Variants in TMEM132D observed in about 807,000 individuals in gnomAD.
TMEM132D encodes the protein mature OL transmembrane protein.
In TMEM132D, 21 loss-of-function variants were observed where a neutral mutation model predicts 62.3. The ratio of observed to expected loss-of-function variants is 0.34; its 90% confidence interval spans 0.24 to 0.49. TMEM132D has a LOEUF of 0.49. Ranked by LOEUF, TMEM132D falls within the 20% of genes least tolerant of loss-of-function variation. The pLI, the probability that TMEM132D is intolerant of heterozygous loss-of-function variation, is 0.99. For missense variants in TMEM132D, 1,346 were observed against 1,402.8 expected, an observed-to-expected ratio of 0.96 and a Z score of 0.65; for synonymous variants, 621 against 575.6, an observed-to-expected ratio of 1.08 and a Z score of -1.13.
intron 2 of TMEM132D, among the ~76,000 whole-genome samples, chr12:129,561,505 G>A (rs1877231324): frequency 6.6e-6 from 1 of 152,076 alleles, no homozygotes; most frequent in Non-Finnish European, 1.5e-5. Context: ...AAAATCCACA[G>A]CAGACAAGAA....
At chr12:129,895,956 TG>T (rs1875101863) in intron 1 of TMEM132D, among the ~76,000 whole-genome samples, 1 of 38,396 alleles carries the variant, frequency 2.6e-5, no homozygotes, top group African/African-American at 4.6e-5. Flanking sequence ...TTGATTTCTC[TG>T]TCTCTCTTTT....
intron 1 of TMEM132D, among the ~76,000 whole-genome samples, chr12:129,756,579 C>T (rs1870177107): frequency 6.6e-6 from 1 of 152,094 alleles, no homozygotes; most frequent in Admixed American, 6.5e-5. Context: ...TCGGAGGATG[C>T]AAGAGTTCTG....
At chr12:129,490,090 C>A (rs750087332) in intron 3 of TMEM132D, among the ~76,000 whole-genome samples, 6 of 152,198 alleles carry the variant, frequency 3.9e-5, no homozygotes, top group African/African-American at 7.2e-5. Context: ...TGCATGTCAT[C>A]ACAGCTAATG....
At chr12:129,688,601 T>A (rs1880986350) in intron 2 of TMEM132D, among the ~76,000 whole-genome samples, 1 of 152,044 alleles carries the variant, frequency 6.6e-6, no homozygotes. Context: ...GAACCTAGTC[T>A]CTGACCCAAT....
At chr12:129,657,225 G>A (rs887042362) in intron 2 of TMEM132D, among the ~76,000 whole-genome samples, 24 of 152,204 alleles carry the variant, frequency 1.6e-4, no homozygotes, top group Non-Finnish European at 2.2e-4. Context: ...CATCTGTACA[G>A]GAAATGATGT....
At chr12:129,650,482 A>T (rs1468058981) in intron 2 of TMEM132D, among the ~76,000 whole-genome samples, 1 of 152,214 alleles carries the variant, frequency 6.6e-6, no homozygotes, top group East Asian at 1.9e-4. Context: ...TAGAAGAAAC[A>T]TCACTGGGTT....
At chr12:129,645,084 T>C (rs1879739826) in intron 2 of TMEM132D, among the ~76,000 whole-genome samples, 5 of 151,704 alleles carry the variant, frequency 3.3e-5, no homozygotes, top group African/African-American at 1.2e-4. Context: ...CTGTCTTCTG[T>C]GGGAAAGTTT....
chr12:129,198,393 C>T (rs956002323), intron 5 of TMEM132D, among the ~76,000 whole-genome samples: 1 of 151,986 alleles, frequency 6.6e-6, no homozygotes, highest in Non-Finnish European at 1.5e-5. Context: ...CTTACAATAG[C>T]GGAGTTATGG....
At chr12:129,671,485 T>G (rs1315526306) in intron 2 of TMEM132D, among the ~76,000 whole-genome samples, 1 of 152,162 alleles carries the variant, frequency 6.6e-6, no homozygotes, top group Non-Finnish European at 1.5e-5. Flanking sequence ...ACCAGCTGCT[T>G]AAGTCAATTA....
chr12:129,678,211 C>G (rs768128281), intron 2 of TMEM132D, among the ~76,000 whole-genome samples: 2 of 152,102 alleles, frequency 1.3e-5, no homozygotes, highest in African/African-American at 2.4e-5. Context: ...GTCATATCAC[C>G]AGGTCATTCC....
chr12:129,881,851 G>A (rs764454594), intron 1 of TMEM132D, among the ~76,000 whole-genome samples: 4 of 151,860 alleles, frequency 2.6e-5, no homozygotes, highest in Non-Finnish European at 5.9e-5. Context: ...GCCTCTTTGA[G>A]TTAACAGATA....
intron 3 of TMEM132D, among the ~76,000 whole-genome samples, chr12:129,512,246 G>A (rs1202409286): frequency 6.6e-6 from 1 of 152,152 alleles, no homozygotes; most frequent in Non-Finnish European, 1.5e-5. Flanking sequence ...CACCTGAATT[G>A]CAGCAACAGG....
intron 2 of TMEM132D, among the ~76,000 whole-genome samples, chr12:129,542,728 T>C (rs921258555): frequency 7.9e-5 from 12 of 152,322 alleles, no homozygotes; most frequent in African/African-American, 2.9e-4. Flanking sequence ...CACACGCATA[T>C]ACGTACATGC....
At chr12:129,770,143 G>GTTTTT (rs71082754) in intron 1 of TMEM132D, among the ~76,000 whole-genome samples, 3 of 128,106 alleles carry the variant, frequency 2.3e-5, no homozygotes, top group African/African-American at 6.0e-5. Context: ...TTTTTTGGTT[G>GTTTTT]TTTTTTTTTT....
chr12:129,454,712 G>A lies in TMEM132D; in HGVS notation c.1115+76347C>T, dbSNP rs4759574. ...AGCTGTTGCAGGAACCAAGGACAGC[G>A]GGGTCTACAAAAGAACTGATTCCAC... On this transcript the variant is annotated intron_variant, in intron 3 of 8. Transcript: ENST00000422113. 0.022 allele frequency among the ~76,000 whole-genome samples: 3,274 copies of A among 152,222 alleles called. 292 individuals carry two copies. The East Asian group carries it at 0.29, about 14-fold the overall frequency.
chr12:129,611,976 A>G (rs1037953923), intron 2 of TMEM132D, among the ~76,000 whole-genome samples: 1 of 152,180 alleles, frequency 6.6e-6, no homozygotes. Flanking sequence ...CACAACGCAG[A>G]CACTGGGCCG....
At chr12:129,154,193 T>C (rs1486349780) in intron 5 of TMEM132D, among the ~76,000 whole-genome samples, 1 of 152,068 alleles carries the variant, frequency 6.6e-6, no homozygotes, top group African/African-American at 2.4e-5. Flanking sequence ...GGTGGTGCAT[T>C]TGTGGGATGA....
chr12:129,729,466 C>T (rs918701698), intron 1 of TMEM132D, among the ~76,000 whole-genome samples: 1 of 152,184 alleles, frequency 6.6e-6, no homozygotes, highest in African/African-American at 2.4e-5. Flanking sequence ...TGTCTCCAGA[C>T]GTTGCCCCCA....
At chr12:129,437,840 T>A (rs1407268772) in intron 3 of TMEM132D, among the ~76,000 whole-genome samples, 1 of 151,540 alleles carries the variant, frequency 6.6e-6, no homozygotes, top group Non-Finnish European at 1.5e-5. Context: ...GCTGCACCCA[T>A]CAACCCGTCA....
Sources: allele counts gnomAD v4.1 joint callset (sites outside exome capture counted in the v4.1 genomes callset), GRCh38; gene constraint gnomAD v4.1.1; transcripts MANE v1.5; gene names NCBI Gene and HGNC (gene_info 2026-07-23, HGNC 2026-07-21).